The following SNTG2 variants were observed in gnomAD, a reference collection of about 807,000 sequenced individuals.
SNTG2 encodes the protein gamma-2-syntrophin.
In SNTG2, 74 loss-of-function variants were observed where a neutral mutation model predicts 70.9. The observed-to-expected ratio is 1.04, with a 90% confidence interval of 0.86 to 1.27. SNTG2 has a LOEUF of 1.27. SNTG2 is among the 50% of genes most tolerant of loss of function. The pLI is 0.00. For synonymous variants in SNTG2, 278 were observed against 273.8 expected (o/e 1.02, Z -0.15); for missense variants, 717 against 690.7 (o/e 1.04, Z -0.43).
intron 1 of SNTG2, among the ~76,000 whole-genome samples, chr2:957,409 G>C (rs1329138127): frequency 6.6e-6 from 1 of 152,088 alleles, no homozygotes; most frequent in Non-Finnish European, 1.5e-5. Context: ...GTTTGGCGAT[G>C]ATTAAGTGCC....
chr2:1,059,733 TCTTTA>T (rs1004193617), intron 1 of SNTG2, among the ~76,000 whole-genome samples: 5 of 152,188 alleles, frequency 3.3e-5, no homozygotes, highest in South Asian at 2.1e-4. Flanking sequence ...TAAAATTTAA[TCTTTA>T]CTTAGAGACC....
chr2:1,250,436 C>T (rs187632444), intron 12 of SNTG2, among the ~76,000 whole-genome samples: 39 of 152,116 alleles, frequency 2.6e-4, no homozygotes, highest in Admixed American at 2.3e-3. Flanking sequence ...TCTCTTTCTC[C>T]ACCTGTCACT....
At chr2:1,267,083 T>C (rs1678779538) in intron 13 of SNTG2, among the ~76,000 whole-genome samples, 1 of 152,148 alleles carries the variant, frequency 6.6e-6, no homozygotes, top group South Asian at 2.1e-4. Flanking sequence ...ATCTTTCTCT[T>C]CACCGTAAAA....
chr2:1,222,535 GT>G (rs1675363757), intron 9 of SNTG2, among the ~76,000 whole-genome samples: 11 of 130,894 alleles, frequency 8.4e-5, no homozygotes, highest in Non-Finnish European at 6.5e-5. Flanking sequence ...GCTGCTGGAG[GT>G]GCTGGATCGC....
chr2:1,053,791 T>C (rs927547240), intron 1 of SNTG2, among the ~76,000 whole-genome samples: 2 of 152,150 alleles, frequency 1.3e-5, no homozygotes, highest in Non-Finnish European at 2.9e-5. Flanking sequence ...TTAACCTGCA[T>C]TCACCTTCCT....
intron 8 of SNTG2, among the ~76,000 whole-genome samples, chr2:1,198,823 T>C (rs1347619722): frequency 2.0e-5 from 3 of 151,872 alleles, no homozygotes; most frequent in African/African-American, 4.8e-5. Flanking sequence ...CCTACCAAGA[T>C]TGAACCATGA....
intron 14 of SNTG2, among the ~76,000 whole-genome samples, chr2:1,295,326 ACT>A (rs1680155735): frequency 6.6e-6 from 1 of 151,874 alleles, no homozygotes; most frequent in Non-Finnish European, 1.5e-5. Context: ...CTCTGAGGGA[ACT>A]CTCTTCCCAG....
intron 16 of SNTG2, among the ~76,000 whole-genome samples, chr2:1,364,011 C>T (rs1661339699): frequency 6.6e-6 from 1 of 152,102 alleles, no homozygotes; most frequent in South Asian, 2.1e-4. Context: ...ACTCTTGTTG[C>T]CCAGGCTGGA....
chr2:1,315,520 G>T (rs967034158), intron 15 of SNTG2, among the ~76,000 whole-genome samples: 2 of 152,058 alleles, frequency 1.3e-5, no homozygotes, highest in Non-Finnish European at 2.9e-5. Context: ...TTCCTGGGAA[G>T]ATAAATATTT....
At chr2:1,336,598 A>G (rs1367452013) in intron 16 of SNTG2, among the ~76,000 whole-genome samples, 1 of 152,202 alleles carries the variant, frequency 6.6e-6, no homozygotes, top group Non-Finnish European at 1.5e-5. Flanking sequence ...TTTTGGTCTT[A>G]CATTTAAATC....
intron 1 of SNTG2, among the ~76,000 whole-genome samples, chr2:1,079,239 G>A (rs1178126088): frequency 6.6e-6 from 1 of 152,214 alleles, no homozygotes; most frequent in African/African-American, 2.4e-5. Context: ...GTCCACAGAG[G>A]TTTTCCTGGA....
chr2:1,041,756 C>T (rs1050643229), intron 1 of SNTG2, among the ~76,000 whole-genome samples: 2 of 152,200 alleles, frequency 1.3e-5, no homozygotes, highest in African/African-American at 4.8e-5. Flanking sequence ...GCCTGCAGAT[C>T]TGTGGGCTGG....
At chr2:1,338,015 A>G (rs1177902058) in intron 16 of SNTG2, among the ~76,000 whole-genome samples, 1 of 152,186 alleles carries the variant, frequency 6.6e-6, no homozygotes, top group Admixed American at 6.5e-5. Flanking sequence ...ACATGGCACC[A>G]CATAGGCCAG....
chr2:989,026 A>G (rs867940251), intron 1 of SNTG2, among the ~76,000 whole-genome samples: 1 of 152,106 alleles, frequency 6.6e-6, no homozygotes, highest in African/African-American at 2.4e-5. Context: ...TCAGTTTTCA[A>G]ATATTTCCTA....
chr2:1,364,255 T>G (rs1304855906), intron 16 of SNTG2, among the ~76,000 whole-genome samples: 14 of 151,302 alleles, frequency 9.3e-5, no homozygotes, highest in Non-Finnish European at 8.8e-5. Context: ...GTGCTGGGAT[T>G]ACAGGCGTGA....
intron 6 of SNTG2, 50 bp from the exon 7 acceptor site, chr2:1,165,498 G>A (rs1670645472): frequency 1.3e-6 from 2 of 1,490,428 alleles, no homozygotes; most frequent in African/African-American, 1.4e-5. Flanking sequence ...TTAATTCTGT[G>A]TCTGGTTCTT....
At chr2:1,348,027 G>T (rs1446348280) in intron 16 of SNTG2, among the ~76,000 whole-genome samples, 1 of 151,690 alleles carries the variant, frequency 6.6e-6, no homozygotes, top group Non-Finnish European at 1.5e-5. Context: ...GTATATTCAG[G>T]GCAATTTAAA....
chr2:1,182,902 G>A lies in SNTG2; in HGVS notation c.591+9719G>A, dbSNP rs558105558. Among the ~76,000 whole-genome samples the A allele has an allele frequency of 3.9e-5, 6 of 152,178 alleles. No homozygotes were observed. The East Asian group carries it at 5.8e-4, about 15-fold the overall frequency. The stretch of plus-strand genomic sequence containing the variant: ...CCAGTAGCTGGGGCTATAGGTGTGC[G>A]CTACCATGCCTAGATAATTTTTGTA... On this transcript the variant is annotated intron_variant, in intron 8 of 16. Transcript: ENST00000308624.
chr2:1,097,620 C>T lies in SNTG2; in HGVS notation c.211-576C>T, dbSNP rs1027190601. Among the ~76,000 whole-genome samples the T allele has an allele frequency of 6.6e-6, 1 of 152,156 alleles. No individual in the cohort carries two copies. Among genetic ancestry groups the T allele is most frequent in the Non-Finnish European group, 1.5e-5 (1 of 68,040 alleles). On this transcript the variant is annotated intron_variant, in intron 2 of 16. Coordinates refer to ENST00000308624, the MANE Select transcript of SNTG2 (RefSeq NM_018968.4). This position sits in a 1 kb window ranked among gnomAD's most constrained non-coding sequence, Gnocchi z 4.1. ...GATTTGGAGATTTTTTACCATTTCA[C>T]TAGCCAGTTAAAGGCCTATTGTGCT...
Sources: gnomAD v4.1 joint callset for allele counts (sites outside exome capture counted in the v4.1 genomes callset) on GRCh38, gnomAD v4.1.1 for gene constraint, Gnocchi (gnomAD v3.1) non-coding constraint, MANE v1.5 for transcripts, NCBI Gene and HGNC (gene_info 2026-07-23, HGNC 2026-07-21) for gene names.